SFXN5: variants seen among roughly 807,000 people sequenced by gnomAD.
SFXN5 encodes the protein sideroflexin 5.
In SFXN5, 43 loss-of-function variants were observed where a neutral mutation model predicts 50.2. That is an observed-to-expected ratio of 0.86 (90% CI 0.67 to 1.11). SFXN5 has a LOEUF of 1.11. Ranked by LOEUF, SFXN5 falls within the 50% of genes least tolerant of loss-of-function variation. SFXN5 has a pLI of 0.00. For synonymous variants in SFXN5, 203 were observed against 185.8 expected, an observed-to-expected ratio of 1.09 and a Z score of -0.75; for missense variants, 463 against 454.1, an observed-to-expected ratio of 1.02 and a Z score of -0.18.
At position 72,947,312 on chromosome 2, in the gene SFXN5, C is replaced by T. The variant is rs116124427; in HGVS notation, c.946-2213G>A. 6.1e-3 allele frequency among the ~76,000 whole-genome samples: 935 copies of T among 152,308 alleles called. 10 individuals carry two copies. The highest frequency in any genetic ancestry group is 0.021 in the African/African-American group (853 of 41,566). ...CTGGAATAGAATAGGCACTGGAAGA[C>T]GGGGTTCCCCTGGAGACACCACATC... On this transcript the variant is annotated intron_variant, in intron 13 of 13. Transcript: ENST00000272433.
chr2:73,004,315 G>GCACACACACA (rs59114781), intron 6 of SFXN5, among the ~76,000 whole-genome samples: 301 of 115,654 alleles, frequency 2.6e-3, no homozygotes, highest in African/African-American at 7.7e-3. Context: ...GAGTGCGCGC[G>GCACACACACA]CACACACACA....
At position 72,981,923 on chromosome 2, in the gene SFXN5, T is replaced by C. The variant is rs567369197; in HGVS notation, c.625+6335A>G. On this transcript the variant is annotated intron_variant, in intron 10 of 13. Coordinates refer to ENST00000272433, the MANE Select transcript of SFXN5 (RefSeq NM_144579.3). Reference sequence around the variant, plus strand: ...TGATTTAGAGAGATTATCGAATGGGTTTCATCCTCTATAAAACTTTATTGC... The same window carrying C: ...TGATTTAGAGAGATTATCGAATGGGCTTCATCCTCTATAAAACTTTATTGC... Among the ~76,000 whole-genome samples, 272 of 152,160 alleles carry C rather than the reference T, an allele frequency of 1.8e-3. 1 individual carries two copies. Among genetic ancestry groups the C allele is most frequent in the African/African-American group, 6.3e-3 (262 of 41,492 alleles).
intron 6 of SFXN5, among the ~76,000 whole-genome samples, chr2:73,012,548 A>G (rs920133597): frequency 6.6e-6 from 1 of 151,856 alleles, no homozygotes; most frequent in African/African-American, 2.4e-5. Flanking sequence ...ACTATTGTTC[A>G]TGTATGAAAG....
At chr2:72,957,590 G>A (rs1673247742) in intron 13 of SFXN5, among the ~76,000 whole-genome samples, 1 of 152,230 alleles carries the variant, frequency 6.6e-6, no homozygotes, top group Non-Finnish European at 1.5e-5. Context: ...AACCTTGGTG[G>A]CTTTTGGCAA....
At position 73,000,370 on chromosome 2, in the gene SFXN5, G is replaced by A. The variant is rs1321189901; in HGVS notation, c.468+61C>T. The A allele has an allele frequency of 4.7e-6, 7 of 1,490,054 alleles. No homozygotes were observed. The Admixed American group carries it at 1.4e-4, about 30-fold the overall frequency. The allele number at this position is 1,490,054 out of a possible 1,614,324, so 92.3% of individuals were successfully genotyped here. A position where few individuals can be genotyped will look rare whatever the true frequency, so the allele number is the denominator to read the frequency against. On this transcript the variant is annotated intron_variant, in intron 8 of 13. Coordinates refer to ENST00000272433, the MANE Select transcript of SFXN5 (RefSeq NM_144579.3). ...TGATGGTGGCATGTCACGCTGTAGG[G>A]AGGATGACTGGGCCTCCCTAGCCTG...
chr2:72,967,738 C>A lies in SFXN5; in HGVS notation c.827+710G>T, dbSNP rs187902142. On this transcript the variant is annotated intron_variant, in intron 12 of 13. Coordinates refer to ENST00000272433, the MANE Select transcript of SFXN5 (RefSeq NM_144579.3). ...GCCAGGGGTCTGTAACTCCAGGCCC[C>A]CTCCACCTAGGGGACCCTCCCCTGC... Among the ~76,000 whole-genome samples, 33 of 152,262 alleles carry A rather than the reference C, an allele frequency of 2.2e-4. No individual in the cohort carries two copies. The East Asian group carries it at 6.4e-3, about 29-fold the overall frequency.
intron 6 of SFXN5, among the ~76,000 whole-genome samples, chr2:73,008,548 G>T (rs1034949856): frequency 6.6e-6 from 1 of 152,222 alleles, no homozygotes. Context: ...ACGAGGGCCG[G>T]ACCACCAGGG....
At chr2:72,978,900 C>T (rs996187876) in intron 10 of SFXN5, among the ~76,000 whole-genome samples, 32 of 152,218 alleles carry the variant, frequency 2.1e-4, no homozygotes, top group Admixed American at 1.2e-3. Flanking sequence ...CTCATGTGCA[C>T]ATGAGCTGTT....
intron 2 of SFXN5, among the ~76,000 whole-genome samples, chr2:73,047,594 A>C (rs1185584747): frequency 6.6e-6 from 1 of 151,898 alleles, no homozygotes; most frequent in African/African-American, 2.4e-5. Context: ...AAGTCTCATT[A>C]GATCTGATGG....
intron 1 of SFXN5, among the ~76,000 whole-genome samples, chr2:73,062,923 TC>T (rs1218652812): frequency 6.6e-6 from 1 of 152,132 alleles, no homozygotes; most frequent in Non-Finnish European, 1.5e-5. Context: ...TGCACCAGAC[TC>T]CTGTGGTCTC....
intron 3 of SFXN5, among the ~76,000 whole-genome samples, chr2:73,038,147 G>C (rs1287888121): frequency 6.6e-6 from 1 of 152,206 alleles, no homozygotes; most frequent in East Asian, 1.9e-4. Flanking sequence ...AACACACCTA[G>C]GCTACCTCGT....
chr2:73,041,693 A>C (rs1679671996), intron 2 of SFXN5: 1 of 373,102 alleles, frequency 2.7e-6, no homozygotes, highest in Non-Finnish European at 5.4e-6. Context: ...AGCCTTTATA[A>C]GGAGGATTTT....
intron 11 of SFXN5, among the ~76,000 whole-genome samples, 176 bp from the exon 12 acceptor site, chr2:72,968,709 TTCC>T (rs1674777230): frequency 9.1e-5 from 2 of 21,956 alleles, no homozygotes; most frequent in African/African-American, 6.7e-4. Context: ...GGTCTCCTTT[TTCC>T]TTCCTTCCTT....
chr2:73,010,002 C>A (rs1559151777), intron 6 of SFXN5, among the ~76,000 whole-genome samples: 1 of 152,120 alleles, frequency 6.6e-6, no homozygotes, highest in Non-Finnish European at 1.5e-5. Flanking sequence ...AAAAATGAGC[C>A]CCACATTCAA....
In SFXN5 at chr2:73,015,004, T is replaced by C. The variant is rs113646832; in HGVS notation, c.357+5235A>G. 5.9e-5 allele frequency among the ~76,000 whole-genome samples: 9 copies of C among 152,324 alleles called. 1 individual carries two copies. Among genetic ancestry groups the C allele is most frequent in the African/African-American group, 2.2e-4 (9 of 41,578 alleles). ...GGAAAATGTTAGATAGAAGCAACAT[T>C]ATCAGTCATTCTTACCCTGTCCAAC... On this transcript the variant is annotated intron_variant, in intron 6 of 13. Coordinates refer to ENST00000272433, the MANE Select transcript of SFXN5 (RefSeq NM_144579.3).
At chr2:73,068,987 G>A (rs1453473149) in intron 1 of SFXN5, among the ~76,000 whole-genome samples, 1 of 151,654 alleles carries the variant, frequency 6.6e-6, no homozygotes, top group African/African-American at 2.4e-5. Flanking sequence ...TGGGTTCAGA[G>A]GCTGAAAAGC....
intron 3 of SFXN5, among the ~76,000 whole-genome samples, chr2:73,028,597 CAGAA>C (rs141448548): frequency 8.9e-4 from 136 of 152,276 alleles, no homozygotes; most frequent in African/African-American, 3.2e-3. Flanking sequence ...AGAGAAAACT[CAGAA>C]AGGAAGGAAA....
At chr2:72,962,554 AT>A (rs1673865340) in intron 12 of SFXN5, among the ~76,000 whole-genome samples, 1 of 152,230 alleles carries the variant, frequency 6.6e-6, no homozygotes, top group African/African-American at 2.4e-5. Context: ...GGAAATGTGC[AT>A]TTTAACCCTC....
intron 11 of SFXN5, 98 bp from the exon 12 acceptor site, chr2:72,968,631 T>C: frequency 9.3e-7 from 1 of 1,073,492 alleles, no homozygotes; most frequent in Non-Finnish European, 1.4e-6. Flanking sequence ...ACAACGCATG[T>C]GTGTCTGAAT....
Sources: gnomAD v4.1 joint callset for allele counts (sites outside exome capture counted in the v4.1 genomes callset) on GRCh38, gnomAD v4.1.1 for gene constraint, MANE v1.5 for transcripts, NCBI Gene and HGNC (gene_info 2026-07-23, HGNC 2026-07-21) for gene names.